The following PPFIBP2 variants were observed in gnomAD, a reference collection of about 807,000 sequenced individuals.
PPFIBP2 encodes the protein liprin-beta-2.
PPFIBP2 carries 118 observed loss-of-function variants against 118.3 expected under a neutral mutation model. The ratio of observed to expected loss-of-function variants is 1.00; its 90% CI spans 0.86 to 1.16. The LOEUF is 1.16. Among genes scored for constraint, PPFIBP2 ranks in the 50% most tolerant of loss-of-function variants. The probability of loss-of-function intolerance (pLI) is 0.00; values close to 1 mark genes in which losing one functional copy is unlikely to be tolerated. For missense variants in PPFIBP2, 1,195 were observed against 1,073.1 expected, an observed-to-expected ratio of 1.11 and a Z score of -1.59; for synonymous variants, 414 against 397.4, an observed-to-expected ratio of 1.04 and a Z score of -0.50.
chr11:7,519,995 C>G (rs1434407541), intron 1 of PPFIBP2, among the ~76,000 whole-genome samples: 3 of 152,180 alleles, frequency 2.0e-5, no homozygotes, highest in African/African-American at 7.2e-5. Context: ...CTGCTGTGGC[C>G]TGCTTTCCAG....
chr11:7,655,898 T>C (rs937972879), downstream of PPFIBP2, among the ~76,000 whole-genome samples: 2 of 152,168 alleles, frequency 1.3e-5, no homozygotes, highest in Non-Finnish European at 1.5e-5. Context: ...CAGAGACATA[T>C]GCATTTCCTA....
At position 7,650,971 on chromosome 11, in the gene PPFIBP2, T is replaced by G; in HGVS notation, c.2247+6T>G. 1 of 1,612,216 alleles carries G rather than the reference T, an allele frequency of 6.2e-7. No homozygotes were observed. Among genetic ancestry groups the G allele is most frequent in the Non-Finnish European group, 8.5e-7 (1 of 1,178,728 alleles). On this transcript the variant is annotated splice_donor_region_variant and intron_variant, in intron 22 of 23. Transcript: ENST00000299492. ...GAGTCCATGGAGGCCTCATTGTGAG[T>G]GGCTCTCTGGCCTAGCCCACCTGCC... is the stretch of plus-strand genomic sequence containing the variant.
At chr11:7,558,675 G>C (rs913448077) in intron 2 of PPFIBP2, among the ~76,000 whole-genome samples, 2 of 151,910 alleles carry the variant, frequency 1.3e-5, no homozygotes, top group Non-Finnish European at 2.9e-5. Context: ...AGAATTGCTG[G>C]AACCTGGGAG....
intron 1 of PPFIBP2, among the ~76,000 whole-genome samples, chr11:7,519,637 T>C (rs1849558966): frequency 2.0e-5 from 3 of 152,044 alleles, no homozygotes; most frequent in Admixed American, 1.3e-4. Context: ...GCCGGGAGTT[T>C]CCCATAATGA....
rs745716640 is a variant in PPFIBP2, at chr11:7,653,138, G to A, written c.2551G>A (p.Val851Ile). 5 of 1,614,110 alleles carry A rather than the reference G, an allele frequency of 3.1e-6. No individual in the cohort carries two copies. The highest frequency in any genetic ancestry group is 2.2e-5 in the East Asian group (1 of 44,904). The change falls in exon 24 of 24, where the codon GTC becomes ATC. Residue 851 changes from valine (V) to isoleucine (I), a missense_variant. Transcript: ENST00000299492. ...TGACGGTGTCAGTGATAGTCACAGG[G>A]TCTACAGTGGCTACCGGGGCCTCAG... ...PSDGVSDSHR[V>I]YSGYRGLSPL...
chr11:7,630,200 A>G lies in PPFIBP2; in HGVS notation c.964+666A>G, dbSNP rs575474375. 9.0e-4 allele frequency among the ~76,000 whole-genome samples: 137 copies of G among 152,182 alleles called. 2 individuals carry two copies. Among genetic ancestry groups the G allele is most frequent in the African/African-American group, 3.1e-3 (128 of 41,530 alleles). ...GGGCTGCTTTGAAGGATATTCAGGA[A>G]CCTCTGATTCTGGCTGAGCTTCTGC... On this transcript the variant is annotated intron_variant, in intron 10 of 23. Transcript: ENST00000299492.
Position 7,554,911 on chromosome 11 carries a change from C to T in PPFIBP2, c.64+5372C>T, listed in dbSNP as rs141216928. 3.9e-5 allele frequency among the ~76,000 whole-genome samples: 6 copies of T among 151,974 alleles called. No individual in the cohort carries two copies. In the East Asian group the frequency reaches 1.2e-3, roughly 29 times the overall value. ...ACTCTAGGATCTTTGTCAATAATGA[C>T]TTGGTTCTAATATGAAAGACCATTA... On this transcript the variant is annotated intron_variant, in intron 2 of 23. Transcript: ENST00000299492.
intron 1 of PPFIBP2, among the ~76,000 whole-genome samples, chr11:7,527,585 G>A (rs568680245): frequency 1.3e-5 from 2 of 152,244 alleles, no homozygotes; most frequent in African/African-American, 4.8e-5. Context: ...CTTAAGAAAT[G>A]TACCCCCTTA....
chr11:7,641,089 G>A lies in PPFIBP2; in HGVS notation c.1376-390G>A, dbSNP rs112527019. ...AGGTACTGTACCCATTCCAGGTGAG[G>A]TGGAGAGTGAGAATGCCTTTGTTTC... On this transcript the variant is annotated intron_variant, in intron 15 of 23. Transcript: ENST00000299492. 5 of 1,260,706 alleles carry A rather than the reference G, an allele frequency of 4.0e-6. No homozygotes were observed. In the African/African-American group the frequency reaches 6.1e-5, roughly 15 times the overall value. The allele number at this position is 1,260,706 out of a possible 1,614,324, so 78.1% of individuals were successfully genotyped here. A position where few individuals can be genotyped will look rare whatever the true frequency, so the allele number is the denominator to read the frequency against.
At chr11:7,517,910 G>T (rs562637478) in intron 1 of PPFIBP2, among the ~76,000 whole-genome samples, 1 of 152,226 alleles carries the variant, frequency 6.6e-6, no homozygotes, top group Non-Finnish European at 1.5e-5. Flanking sequence ...GCCGCTCATA[G>T]TCCGACTTCC....
chr11:7,665,560 G>C, the PPFIBP2 span: 21 of 1,591,472 alleles, frequency 1.3e-5, no homozygotes, highest in African/African-American at 1.7e-4. Flanking sequence ...AAATGAAGGA[G>C]ATGCAGGAGC....
chr11:7,553,207 T>G (rs1853192742), intron 2 of PPFIBP2, among the ~76,000 whole-genome samples: 2 of 149,876 alleles, frequency 1.3e-5, no homozygotes, highest in Admixed American at 1.3e-4. Context: ...CACTGATTCT[T>G]TTGGAATAAC....
At chr11:7,621,686 G>A (rs192571601) in intron 7 of PPFIBP2, among the ~76,000 whole-genome samples, 2 of 152,292 alleles carry the variant, frequency 1.3e-5, no homozygotes, top group Admixed American at 6.5e-5. Flanking sequence ...ATTTTAAAAC[G>A]TTAAATTGTT....
intron 14 of PPFIBP2, among the ~76,000 whole-genome samples, chr11:7,638,679 C>T (rs901292001): frequency 1.5e-4 from 23 of 152,190 alleles, no homozygotes; most frequent in African/African-American, 5.5e-4. Flanking sequence ...ATCAGGTGAT[C>T]CACAGTTGAT....
At chr11:7,580,687 G>T (rs1327364919) in intron 3 of PPFIBP2, among the ~76,000 whole-genome samples, 1 of 152,188 alleles carries the variant, frequency 6.6e-6, no homozygotes, top group Admixed American at 6.5e-5. Flanking sequence ...TTTACCAGCT[G>T]TGTGATCCAA....
intron 5 of PPFIBP2, among the ~76,000 whole-genome samples, chr11:7,609,240 G>C (rs1199683643): frequency 1.3e-5 from 2 of 152,200 alleles, no homozygotes; most frequent in African/African-American, 4.8e-5. Flanking sequence ...TGCCATTCTT[G>C]TGCTGAGCTT....
chr11:7,520,374 G>A (rs1384851141), intron 1 of PPFIBP2, among the ~76,000 whole-genome samples: 14 of 152,142 alleles, frequency 9.2e-5, no homozygotes, highest in African/African-American at 2.2e-4. Context: ...TTTTGCCGAC[G>A]CACGCTGCTA....
intron 1 of PPFIBP2, among the ~76,000 whole-genome samples, chr11:7,526,258 G>A (rs78147573): frequency 2.0e-5 from 3 of 152,218 alleles, no homozygotes; most frequent in Non-Finnish European, 4.4e-5. Context: ...ACCAACTGGG[G>A]TGGGATCCTG....
At chr11:7,617,543 G>C (rs188996260) in intron 6 of PPFIBP2, among the ~76,000 whole-genome samples, 1 of 152,138 alleles carries the variant, frequency 6.6e-6, no homozygotes, top group African/African-American at 2.4e-5. Flanking sequence ...TTAGGGCTGG[G>C]AATGAGGTGC....
Sources: gnomAD v4.1 joint callset for allele counts (sites outside exome capture counted in the v4.1 genomes callset) on GRCh38, gnomAD v4.1.1 for gene constraint, MANE v1.5 for transcripts, NCBI Gene and HGNC (gene_info 2026-07-23, HGNC 2026-07-21) for gene names.